OXNAD1: variants seen among roughly 807,000 people sequenced by gnomAD.
OXNAD1 encodes oxidoreductase NAD-binding domain-containing protein 1.
A neutral mutation model predicts 32.9 loss-of-function variants in OXNAD1; 34 were observed. The ratio of observed to expected loss-of-function variants is 1.03; its 90% confidence interval spans 0.79 to 1.38. The LOEUF is 1.38. Ranked by LOEUF, OXNAD1 falls within the 40% of genes most tolerant of loss-of-function variation. OXNAD1 has a pLI of 0.00. For synonymous variants in OXNAD1, 134 were observed against 135.2 expected (o/e 0.99, Z 0.06); for missense variants, 407 against 379.4 (o/e 1.07, Z -0.60).
chr3:16,313,243 A>G (rs1415078854), intron 9 of OXNAD1, among the ~76,000 whole-genome samples: 1 of 123,876 alleles, frequency 8.1e-6, no homozygotes, highest in African/African-American at 3.5e-5. Context: ...AGTTCTTGCT[A>G]TGTTGCCCAG....
chr3:16,269,395 A>G, intron 2 of OXNAD1, 120 bp downstream of exon 2: 2 of 1,074,992 alleles, frequency 1.9e-6, no homozygotes, highest in Non-Finnish European at 2.6e-6. Flanking sequence ...TGCTTTTTTC[A>G]TTTAGTAAAG....
intron 9 of OXNAD1, chr3:16,347,478 C>G (rs1242310964): frequency 6.6e-6 from 1 of 152,254 alleles, no homozygotes; most frequent in Non-Finnish European, 1.5e-5. Context: ...TTTTCCAGCA[C>G]TAGTGGCTGC....
chr3:16,304,472 A>G lies in OXNAD1; in HGVS notation c.*910A>G, dbSNP rs1215588667. ...AGTTGTTGAATGACTGAAAGAAAGC[A>G]ACTAATGTTTTAACTCCTTGCTAAG... On this transcript the variant is annotated 3_prime_UTR_variant, in exon 9 of 9. Coordinates refer to ENST00000285083, the MANE Select transcript of OXNAD1 (RefSeq NM_138381.5). This position sits in a 1 kb window ranked among gnomAD's most constrained non-coding sequence, Gnocchi z 4.6. 6.6e-6 allele frequency: 1 copy of G among 152,230 alleles called. No individual in the cohort carries two copies. Among genetic ancestry groups the G allele is most frequent in the Non-Finnish European group, 1.5e-5 (1 of 68,040 alleles). 9.4% of individuals were successfully genotyped at this position (152,230 alleles called of 1,614,324 possible). A position where few individuals can be genotyped will look rare whatever the true frequency, so the allele number is the denominator to read the frequency against.
At chr3:16,330,164 G>T (rs1237949659) in intron 9 of OXNAD1, among the ~76,000 whole-genome samples, 2 of 152,160 alleles carry the variant, frequency 1.3e-5, no homozygotes, top group African/African-American at 4.8e-5. Flanking sequence ...GAGAGCTGAA[G>T]GTTCAATCTC....
At chr3:16,274,440 C>T (rs1339110600) in intron 4 of OXNAD1, among the ~76,000 whole-genome samples, 3 of 152,124 alleles carry the variant, frequency 2.0e-5, no homozygotes, top group Admixed American at 6.5e-5. Context: ...GGTGTATTTT[C>T]CTTTATGTAA....
chr3:16,349,411 AAAGT>A (rs2071944287), exon 10 of OXNAD1: 1 of 152,292 alleles, frequency 6.6e-6, no homozygotes, highest in Admixed American at 6.5e-5. Context: ...GATGGTGACA[AAAGT>A]AAGGCAAACC....
intron 9 of OXNAD1, chr3:16,315,526 A>AATG (rs1296740529): frequency 6.6e-6 from 1 of 152,254 alleles, no homozygotes; most frequent in Admixed American, 6.5e-5. Context: ...GCTTGGAAAC[A>AATG]ATGTTTGTTA....
At position 16,302,507 on chromosome 3, in the gene OXNAD1, A is replaced by C. The variant is rs1054556105; in HGVS notation, c.676-133A>C. The C allele has an allele frequency of 9.3e-6, 6 of 642,020 alleles. No homozygotes were observed. Among genetic ancestry groups the C allele is most frequent in the Non-Finnish European group, 1.4e-5 (5 of 363,994 alleles). The allele number at this position is 642,020 out of a possible 1,614,324, so 39.8% of individuals were successfully genotyped here. On this transcript the variant is annotated intron_variant, in intron 7 of 8. Coordinates refer to ENST00000285083, the MANE Select transcript of OXNAD1 (RefSeq NM_138381.5). The surrounding 1 kb of genome is among the most constrained non-coding windows in gnomAD (Gnocchi z 4.2). ...TGCTCTGGCCTGCTAGGCTGCAAAC[A>C]ATATCTCTCTAAGTAGAGAGCGAGA...
At chr3:16,300,615 A>G (rs2067114394) in intron 6 of OXNAD1, among the ~76,000 whole-genome samples, 1 of 152,260 alleles carries the variant, frequency 6.6e-6, no homozygotes, top group South Asian at 2.1e-4. Context: ...TGTGCAGGAC[A>G]GTCTTGTGCA....
intron 9 of OXNAD1, chr3:16,326,862 C>G (rs564304334): frequency 9.9e-6 from 16 of 1,613,702 alleles, no homozygotes; most frequent in Non-Finnish European, 1.4e-5. Context: ...CGTAGTCTGT[C>G]TGCACTTCGA....
chr3:16,317,689 C>G lies in OXNAD1; in HGVS notation c.*30+14097C>G, dbSNP rs545317596. On this transcript the variant is annotated intron_variant, in intron 9 of 9. Coordinates refer to the OXNAD1 transcript ENST00000435829. The surrounding 1 kb of genome is among the most constrained non-coding windows in gnomAD (Gnocchi z 4.3). The stretch of plus-strand genomic sequence containing the variant: ...CTCTCACTAGGTCACCTGAGTAAGG[C>G]AGGGCCCAGAACATGGGGCAGACAC... Among the ~76,000 whole-genome samples, 16 of 152,268 alleles carry G rather than the reference C, an allele frequency of 1.1e-4. No homozygotes were observed. In the South Asian group the frequency reaches 3.1e-3, roughly 30 times the overall value.
chr3:16,303,338 G>A lies in OXNAD1; in HGVS notation c.785-70G>A. On this transcript the variant is annotated intron_variant, in intron 8 of 8. Transcript: ENST00000285083. This position sits in a 1 kb window ranked among gnomAD's most constrained non-coding sequence, Gnocchi z 4.8. ...AAATAAACACTGTATCTGAATTGTG[G>A]TTAGTCCTTCCTCATTTGCTGATAC... 1.3e-6 allele frequency: 2 copies of A among 1,535,306 alleles called. No individual in the cohort carries two copies. The highest frequency in any genetic ancestry group is 1.8e-6 in the Non-Finnish European group (2 of 1,118,680).
At chr3:16,272,836 G>A (rs1268950161) in intron 4 of OXNAD1, among the ~76,000 whole-genome samples, 1 of 151,406 alleles carries the variant, frequency 6.6e-6, no homozygotes, top group South Asian at 2.1e-4. Context: ...TAAAATGAAG[G>A]CCTTGCAAAT....
intron 9 of OXNAD1, among the ~76,000 whole-genome samples, chr3:16,343,429 C>G (rs1388330682): frequency 1.3e-5 from 2 of 152,216 alleles, no homozygotes; most frequent in South Asian, 2.1e-4. Context: ...AGCCAGCTAC[C>G]TGATTACCCT....
chr3:16,320,878 C>T lies in OXNAD1; in HGVS notation c.*31-16234C>T, dbSNP rs1012643330. On this transcript the variant is annotated intron_variant, in intron 9 of 9. Transcript: ENST00000435829. The surrounding 1 kb of genome is among the most constrained non-coding windows in gnomAD (Gnocchi z 4.5). Reference sequence around the variant, plus strand: ...TCAGAGTCATACAAAACTAGAACTCCTTTGAGCAGTGGGATGACAGGATTC... The same window carrying T: ...TCAGAGTCATACAAAACTAGAACTCTTTTGAGCAGTGGGATGACAGGATTC... Among the ~76,000 whole-genome samples the T allele has an allele frequency of 7.9e-5, 12 of 152,194 alleles. No individual in the cohort carries two copies. Among genetic ancestry groups the T allele is most frequent in the African/African-American group, 2.9e-4 (12 of 41,438 alleles).
rs2068986630 is a variant in OXNAD1, at chr3:16,321,007, G to C, written c.*31-16105G>C. On this transcript the variant is annotated intron_variant, in intron 9 of 9. Transcript: ENST00000435829. The surrounding 1 kb of genome is among the most constrained non-coding windows in gnomAD (Gnocchi z 4.8). ...AATAGCTGAGGCGAGTGATGGTAGA[G>C]AGAAGTGGAGGGATTCCAGAGCCTC... 6.6e-6 allele frequency among the ~76,000 whole-genome samples: 1 copy of C among 152,204 alleles called. No individual in the cohort carries two copies. The highest frequency in any genetic ancestry group is 6.5e-5 in the Admixed American group (1 of 15,282).
Position 16,345,788 on chromosome 3 carries a change from CTGTGTGTGTG to C in OXNAD1, c.*31-3367_*31-3358del, listed in dbSNP as rs370820242. On this transcript the variant is annotated intron_variant, in intron 9 of 9. Transcript: ENST00000606098. The surrounding 1 kb of genome is among the most constrained non-coding windows in gnomAD (Gnocchi z 5.2). ...TGAGCCAAAACCTTATAATAAATCT[CTGTGTGTGTG>C]TGTGTGTGTGTGTGTGTGTGCGCGC... 2.1e-4 allele frequency among the ~76,000 whole-genome samples: 27 copies of C among 127,254 alleles called. No homozygotes were observed. Among genetic ancestry groups the C allele is most frequent in the African/African-American group, 6.9e-4 (23 of 33,136 alleles). The allele number at this position is 127,254 out of a possible 152,430, so 83.5% of individuals were successfully genotyped here.
chr3:16,324,354 C>T (rs759825843), intron 9 of OXNAD1, among the ~76,000 whole-genome samples: 35 of 152,208 alleles, frequency 2.3e-4, no homozygotes, highest in Non-Finnish European at 3.2e-4. Context: ...ATAATAGTCA[C>T]CATTCTGTGC....
At chr3:16,330,354 A>G (rs1017386025) in intron 9 of OXNAD1, among the ~76,000 whole-genome samples, 6 of 152,236 alleles carry the variant, frequency 3.9e-5, no homozygotes, top group African/African-American at 1.2e-4. Context: ...ATTTATCAAT[A>G]TAGTAAAGAG....
Sources: gnomAD v4.1 joint callset for allele counts (sites outside exome capture counted in the v4.1 genomes callset) on GRCh38, gnomAD v4.1.1 for gene constraint, Gnocchi (gnomAD v3.1) non-coding constraint, MANE v1.5 for transcripts, NCBI Gene and HGNC (gene_info 2026-07-23, HGNC 2026-07-21) for gene names.